SMIM29: variants seen among roughly 807,000 people sequenced by gnomAD.
SMIM29 encodes the protein uncharacterized protein C6orf1.
A neutral mutation model predicts 12.9 loss-of-function variants in SMIM29; 4 were observed. The observed-to-expected ratio is 0.31, with a 90% CI of 0.15 to 0.71. The LOEUF is 0.71. Among genes scored for constraint, SMIM29 ranks in the 30% least tolerant of loss-of-function variants. The probability of loss-of-function intolerance (pLI) is 0.70; values close to 1 mark genes in which losing one functional copy is unlikely to be tolerated. For synonymous variants in SMIM29, 50 were observed against 52.0 expected (o/e 0.96, Z 0.17); for missense variants, 122 against 138.1 (o/e 0.88, Z 0.58).
rs766070074 is a variant in SMIM29 at position 34,247,011 on chromosome 6, G to A, written c.243+33C>T. 2.5e-6 allele frequency: 4 copies of A among 1,613,746 alleles called. No homozygotes were observed. The African/African-American group carries it at 5.3e-5, about 22-fold the overall frequency. The stretch of plus-strand genomic sequence containing the variant: ...TGGGAACAGGGCTGACTCCCACCTT[G>A]CCTCATTCTCCCCCTGGCCCCCAAG... On this transcript the variant is annotated intron_variant, in intron 4 of 4. Transcript: ENST00000476320.
intron 3 of SMIM29, 66 bp downstream of exon 3, chr6:34,247,399 CAG>C (rs2127551872): frequency 2.6e-6 from 4 of 1,523,152 alleles, no homozygotes; most frequent in African/African-American, 1.4e-5. Flanking sequence ...ACAGAAAAGT[CAG>C]AGCCTATGAG....
chr6:34,246,458 T>C lies in SMIM29; in HGVS notation c.*345A>G. Reference sequence around the variant, plus strand: ...TACTATACATCTGGCCCCATCACCATGGAAACAACTCCAAAGCCTGCCTGG... The same window carrying C: ...TACTATACATCTGGCCCCATCACCACGGAAACAACTCCAAAGCCTGCCTGG... On this transcript the variant is annotated 3_prime_UTR_variant, in exon 5 of 5. Coordinates refer to ENST00000476320, the MANE Select transcript of SMIM29 (RefSeq NM_001008703.4). 1 of 1,510,546 alleles carries C rather than the reference T, an allele frequency of 6.6e-7. No individual in the cohort carries two copies. The highest frequency in any genetic ancestry group is 1.3e-5 in the South Asian group (1 of 74,446). 93.6% of individuals were successfully genotyped at this position (1,510,546 alleles called of 1,614,324 possible).
At chr6:34,247,889 C>G in intron 1 of SMIM29, 25 bp from the exon 2 acceptor site, 1 of 1,253,782 alleles carries the variant, frequency 8.0e-7, no homozygotes, top group Non-Finnish European at 1.0e-6. Context: ...GGGAGGTTAT[C>G]AGTTGCACCC....
At chr6:34,247,916 C>G in intron 1 of SMIM29, 52 bp from the exon 2 acceptor site, 3 of 1,240,226 alleles carry the variant, frequency 2.4e-6, no homozygotes, top group South Asian at 3.9e-5. Context: ...CATCCAGACT[C>G]TGGATCCCTC....
At position 34,247,669 on chromosome 6, in the gene SMIM29, A is replaced by C; in HGVS notation, c.111+12T>G. 1 of 1,419,998 alleles carries C rather than the reference A, an allele frequency of 7.0e-7. No homozygotes were observed. Among genetic ancestry groups the C allele is most frequent in the Non-Finnish European group, 9.1e-7 (1 of 1,093,524 alleles). 88.0% of individuals were successfully genotyped at this position (1,419,998 alleles called of 1,614,324 possible). A position where few individuals can be genotyped will look rare whatever the true frequency, so the allele number is the denominator to read the frequency against. The stretch of plus-strand genomic sequence containing the variant: ...AGCTGTGGGTGTCTGTGTGTATATG[A>C]GGGCTCCTTACCACAGCCACCACCA... On this transcript the variant is annotated intron_variant, in intron 2 of 4. Coordinates refer to ENST00000476320, the MANE Select transcript of SMIM29 (RefSeq NM_001008703.4).
chr6:34,248,928 C>A, intron 1 of SMIM29, 51 bp downstream of exon 1: 1 of 985,610 alleles, frequency 1.0e-6, no homozygotes, highest in Non-Finnish European at 1.2e-6. Flanking sequence ...TCACCCGAGG[C>A]GTGGACCCGT....
rs1762825665 is a variant in SMIM29, at chr6:34,247,143, G to T, written c.144C>A (p.Asp48Glu). The change falls in exon 4 of 5, where the codon GAC (aspartate) becomes GAA (glutamate). Residue 48 changes from aspartate (D) to glutamate (E), a missense_variant. Transcript: ENST00000476320. ...VMYVQKKKRV[D>E]RLRHHLLPMY... The stretch of plus-strand genomic sequence containing the variant: ...TGGGGAGCAGGTGATGGCGCAGCCG[G>T]TCCACCCTGGGGAGCAGGGGAGGGG... 1.9e-6 allele frequency: 3 copies of T among 1,614,036 alleles called. No homozygotes were observed. Among genetic ancestry groups the T allele is most frequent in the Non-Finnish European group, 2.5e-6 (3 of 1,180,004 alleles).
chr6:34,248,857 G>A (rs1490072495), intron 1 of SMIM29, 122 bp downstream of exon 1: 4 of 985,580 alleles, frequency 4.1e-6, no homozygotes, highest in Non-Finnish European at 3.6e-6. Flanking sequence ...GCTCAGGCCG[G>A]AGGTGGGGGT....
intron 2 of SMIM29, 88 bp downstream of exon 2, chr6:34,247,591 AGT>A (rs1762854155): frequency 1.3e-6 from 2 of 1,498,512 alleles, no homozygotes; most frequent in Non-Finnish European, 1.8e-6. Context: ...TTAACAGGAC[AGT>A]GGGGACTCTG....
At chr6:34,247,958 C>T (rs1330396610) in intron 1 of SMIM29, 94 bp from the exon 2 acceptor site, 1 of 1,233,092 alleles carries the variant, frequency 8.1e-7, no homozygotes, top group Non-Finnish European at 1.0e-6. Flanking sequence ...AAAACTGGTC[C>T]CAGGTCAAAT....
intron 1 of SMIM29, 42 bp from the exon 2 acceptor site, chr6:34,247,906 C>T: frequency 8.0e-7 from 1 of 1,244,800 alleles, no homozygotes; most frequent in Non-Finnish European, 1.0e-6. Context: ...ACCCAGGTGA[C>T]ATCCAGACTC....
chr6:34,248,150 A>G (rs760286235), intron 1 of SMIM29: 95 of 985,280 alleles, frequency 9.6e-5, no homozygotes, highest in Non-Finnish European at 1.1e-4. Context: ...TACAAGTCTC[A>G]GCTTCTGGGG....
chr6:34,246,622 G>A lies in SMIM29; in HGVS notation c.*181C>T, dbSNP rs1762776868. The A allele has an allele frequency of 6.2e-7, 1 of 1,613,906 alleles. No homozygotes were observed. Among genetic ancestry groups the A allele is most frequent in the Non-Finnish European group, 8.5e-7 (1 of 1,179,958 alleles). On this transcript the variant is annotated 3_prime_UTR_variant, in exon 5 of 5. Transcript: ENST00000476320. The stretch of plus-strand genomic sequence containing the variant: ...GCTCAACACCCACAAAGGGCAGAAG[G>A]CCTGGGGGCAGTGAGGTGATGGTGA...
intron 1 of SMIM29, 106 bp downstream of exon 1, chr6:34,248,873 G>C: frequency 3.0e-6 from 3 of 985,672 alleles, no homozygotes; most frequent in Non-Finnish European, 3.6e-6. Context: ...GGGGTGTTGG[G>C]GGATGCGGAT....
At chr6:34,247,651 G>A in intron 2 of SMIM29, 30 bp downstream of exon 2, 2 of 1,435,882 alleles carry the variant, frequency 1.4e-6, no homozygotes, top group Non-Finnish European at 1.8e-6. Context: ...CAAAGCTGTG[G>A]GTGTCTGTGT....
chr6:34,246,935 C>T, intron 4 of SMIM29, 67 bp from the exon 5 acceptor site: 8 of 1,600,218 alleles, frequency 5.0e-6, no homozygotes, highest in Admixed American at 1.7e-5. Context: ...CACCCAGTTA[C>T]AGCCCAAGTA....
intron 1 of SMIM29, chr6:34,248,598 C>T (rs1475825812): frequency 1.8e-5 from 18 of 985,528 alleles, no homozygotes; most frequent in Non-Finnish European, 2.2e-5. Context: ...AAGAGATCGT[C>T]CTGGGGCAGT....
intron 1 of SMIM29, chr6:34,248,712 C>T (rs1244362247): frequency 2.0e-6 from 2 of 985,540 alleles, no homozygotes; most frequent in Non-Finnish European, 2.4e-6. Flanking sequence ...CACGGGGCAT[C>T]GAGCTTGCCC....
Position 34,246,670 on chromosome 6 carries a change from T to A in SMIM29, c.*133A>T. The A allele has an allele frequency of 6.2e-7, 1 of 1,613,828 alleles. No individual in the cohort carries two copies. Among genetic ancestry groups the A allele is most frequent in the Non-Finnish European group, 8.5e-7 (1 of 1,179,934 alleles). ...TGAGGGCATGGGAAGCAGATGCTGC[T>A]GAGGGTGGGTGGAGGGAGAAATGGA... is the stretch of plus-strand genomic sequence containing the variant. On this transcript the variant is annotated 3_prime_UTR_variant, in exon 5 of 5. Transcript: ENST00000476320.
Sources: gnomAD v4.1 joint callset for allele counts on GRCh38, gnomAD v4.1.1 for gene constraint, MANE v1.5 for transcripts, NCBI Gene and HGNC (gene_info 2026-07-23, HGNC 2026-07-21) for gene names.